Variants in PCDHA10 observed in about 807,000 individuals in gnomAD.
The protein encoded by PCDHA10 is protocadherin alpha 10.
In PCDHA10, 45 loss-of-function variants were observed where a neutral mutation model predicts 61.2. That is an observed-to-expected ratio of 0.74 (90% CI 0.58 to 0.94). PCDHA10 has a LOEUF of 0.94. PCDHA10 is among the 40% of genes least tolerant of loss of function. The pLI, the probability that PCDHA10 is intolerant of heterozygous loss-of-function variation, is 0.00. For synonymous variants in PCDHA10, 602 were observed against 548.8 expected, an observed-to-expected ratio of 1.10 and a Z score of -1.35; for missense variants, 1,278 against 1,236.2, an observed-to-expected ratio of 1.03 and a Z score of -0.51.
rs782242128 is a variant in PCDHA10 at position 140,928,580 on chromosome 5, GT to G, written c.2389-50367del. 100 of 1,614,112 alleles carry G rather than the reference GT, an allele frequency of 6.2e-5. 1 individual carries two copies. The East Asian group carries it at 2.2e-3, about 36-fold the overall frequency. ...ATCTTGTTTCCCTTGCCCAGAAATG[GT>G]TCTGTCCCAGTGGAAATTGTGCCCC... On this transcript the variant is annotated intron_variant, in intron 1 of 3. Transcript: ENST00000307360.
chr5:140,884,512 G>T (rs782026771), intron 1 of PCDHA10: 1 of 1,614,202 alleles, frequency 6.2e-7, no homozygotes, highest in South Asian at 1.1e-5. Flanking sequence ...CAGGGAGTTG[G>T]TCGTACTCGC....
intron 1 of PCDHA10, chr5:140,882,642 A>C (rs2153386129): frequency 6.2e-7 from 1 of 1,614,224 alleles, no homozygotes; most frequent in East Asian, 2.2e-5. Flanking sequence ...AAGGTGAGGG[A>C]CATTAACGAC....
In PCDHA10 at chr5:140,923,554, G is replaced by T. The variant is rs117642898; in HGVS notation, c.2389-55395G>T. Among the ~76,000 whole-genome samples the T allele has an allele frequency of 6.2e-4, 95 of 152,226 alleles. No individual in the cohort carries two copies. The East Asian group carries it at 0.017, about 28-fold the overall frequency. On this transcript the variant is annotated intron_variant, in intron 1 of 3. Coordinates refer to ENST00000307360, the MANE Select transcript of PCDHA10 (RefSeq NM_018901.4). ...AAAAAAAGGACAAAATGAAATATCA[G>T]CAATGAAAGGTCCTGCTAAAGAGAA...
At chr5:140,895,435 C>T (rs2065005335) in intron 1 of PCDHA10, among the ~76,000 whole-genome samples, 2 of 152,134 alleles carry the variant, frequency 1.3e-5, no homozygotes, top group African/African-American at 4.8e-5. Context: ...CCTCCTGAGA[C>T]TCTTTTCATG....
chr5:140,977,482 A>G lies in PCDHA10; in HGVS notation c.2389-1467A>G, dbSNP rs3776112. ...TTTGGTCTGTAGATAATTTTATGCTATGTTATATGGAATATCCACAGCATT... is the reference window on the plus strand; with the variant it reads ...TTTGGTCTGTAGATAATTTTATGCTGTGTTATATGGAATATCCACAGCATT... On this transcript the variant is annotated intron_variant, in intron 1 of 3. Coordinates refer to ENST00000307360, the MANE Select transcript of PCDHA10 (RefSeq NM_018901.4). Among the ~76,000 whole-genome samples the G allele has an allele frequency of 3.0e-4, 46 of 152,350 alleles. No homozygotes were observed. The East Asian group carries it at 5.4e-3, about 18-fold the overall frequency.
chr5:140,962,637 T>A (rs556134281), intron 1 of PCDHA10, among the ~76,000 whole-genome samples: 3 of 152,338 alleles, frequency 2.0e-5, no homozygotes, highest in Admixed American at 6.5e-5. Flanking sequence ...AATTTAGCCA[T>A]CAAGTTATGT....
rs78042832 is a variant in PCDHA10, at chr5:140,978,370, A to G, written c.2389-579A>G. Among the ~76,000 whole-genome samples, 198 of 152,318 alleles carry G rather than the reference A, an allele frequency of 1.3e-3. 1 individual carries two copies. The East Asian group carries it at 0.027, about 21-fold the overall frequency. On this transcript the variant is annotated intron_variant, in intron 1 of 3. Transcript: ENST00000307360. ...TAGCAAAACAAGGTCAAACTCTGCA[A>G]TAGTTTGTTTTCCTCTCCCTAGTAT...
intron 3 of PCDHA10, among the ~76,000 whole-genome samples, chr5:141,000,931 T>G (rs1422337935): frequency 1.3e-5 from 2 of 152,188 alleles, no homozygotes; most frequent in African/African-American, 4.8e-5. Flanking sequence ...CCTGTGTGAT[T>G]TAGGACAAAT....
At chr5:140,968,886 A>G in intron 1 of PCDHA10, 1 of 1,614,186 alleles carries the variant, frequency 6.2e-7, no homozygotes, top group Non-Finnish European at 8.5e-7. Context: ...ATTACCCTTT[A>G]TCTAATAATA....
Position 140,856,434 on chromosome 5 carries a change from C to T in PCDHA10, c.386C>T (p.Pro129Leu), listed in dbSNP as rs551569829. 39 of 1,598,320 alleles carry T rather than the reference C, an allele frequency of 2.4e-5. 3 individuals carry two copies. The South Asian group carries it at 3.9e-4, about 16-fold the overall frequency. The change falls in exon 1 of 4, where the codon CCG becomes CTG. Residue 129 changes from proline to leucine, a missense_variant. Coordinates refer to ENST00000307360, the MANE Select transcript of PCDHA10 (RefSeq NM_018901.4). ...DVEVKDINDN[P>L]PRFSVTEQKL... Reference sequence around the variant, plus strand: ...GAAGTGAAGGACATTAACGACAACCCGCCCAGGTTCTCCGTAACAGAACAA... The same window carrying T: ...GAAGTGAAGGACATTAACGACAACCTGCCCAGGTTCTCCGTAACAGAACAA...
chr5:140,920,972 T>C (rs246075), intron 1 of PCDHA10, among the ~76,000 whole-genome samples: 86,063 of 151,854 alleles, frequency 0.57, 25,081 homozygotes, highest in African/African-American at 0.71. Flanking sequence ...TACTAGAGTA[T>C]AATATTGTAT....
intron 1 of PCDHA10, among the ~76,000 whole-genome samples, chr5:140,902,277 A>G (rs1257357376): frequency 1.3e-5 from 2 of 149,170 alleles, no homozygotes; most frequent in African/African-American, 5.0e-5. Flanking sequence ...GGCTCAAGCA[A>G]TCCTCCTGCC....
intron 1 of PCDHA10, chr5:140,929,372 G>A: frequency 1.3e-6 from 2 of 1,514,740 alleles, no homozygotes; most frequent in Non-Finnish European, 1.8e-6. Context: ...GGAGATGGCT[G>A]CTAGCTGTGT....
At position 141,010,020 on chromosome 5, in the gene PCDHA10, TTCCTA is replaced by T. The variant is rs1554262638; in HGVS notation, c.*86_*90del. 6.4e-7 allele frequency: 1 copy of T among 1,572,330 alleles called. No individual in the cohort carries two copies. Among genetic ancestry groups the T allele is most frequent in the Non-Finnish European group, 8.6e-7 (1 of 1,163,268 alleles). On this transcript the variant is annotated 3_prime_UTR_variant, in exon 4 of 4. Coordinates refer to ENST00000307360, the MANE Select transcript of PCDHA10 (RefSeq NM_018901.4). ...CCATGTAGCAATTCCCTGCTCCTTT[TTCCTA>T]TCTACATGAGCCCTCTTAGAGACCT...
intron 3 of PCDHA10, among the ~76,000 whole-genome samples, chr5:140,983,623 GA>G (rs1554245569): frequency 6.6e-6 from 1 of 152,202 alleles, no homozygotes; most frequent in African/African-American, 2.4e-5. Flanking sequence ...GAGAGATTAA[GA>G]AATGTACCCA....
intron 1 of PCDHA10, chr5:140,883,172 AT>A: frequency 1.2e-6 from 2 of 1,614,038 alleles, no homozygotes; most frequent in Non-Finnish European, 1.7e-6. Flanking sequence ...CAATGGAGAA[AT>A]TAGGACAAAA....
At chr5:140,976,486 G>T (rs782708902) in intron 1 of PCDHA10, among the ~76,000 whole-genome samples, 1 of 152,078 alleles carries the variant, frequency 6.6e-6, no homozygotes, top group Non-Finnish European at 1.5e-5. Context: ...GGGAGGCAGA[G>T]GTTGCAGGGA....
At chr5:140,872,485 G>A (rs978511800) in intron 1 of PCDHA10, among the ~76,000 whole-genome samples, 1 of 152,080 alleles carries the variant, frequency 6.6e-6, no homozygotes, top group Non-Finnish European at 1.5e-5. Flanking sequence ...AAATTAGCCA[G>A]ACCTAGTGGT....
At chr5:140,866,847 A>T (rs1485743697) in intron 1 of PCDHA10, 1 of 152,136 alleles carries the variant, frequency 6.6e-6, no homozygotes, top group African/African-American at 2.4e-5. Context: ...ATCAGTTAAC[A>T]ATAACTGTAT....
Sources: gnomAD v4.1 joint callset for allele counts (sites outside exome capture counted in the v4.1 genomes callset) on GRCh38, gnomAD v4.1.1 for gene constraint, MANE v1.5 for transcripts, NCBI Gene and HGNC (gene_info 2026-07-23, HGNC 2026-07-21) for gene names.